Variants in SUCLG2 observed in about 807,000 individuals in gnomAD.
SUCLG2 encodes succinate-CoA ligase GDP-forming subunit beta.
A neutral mutation model predicts 47.9 loss-of-function variants in SUCLG2; 42 were observed. The observed-to-expected ratio is 0.88, with a 90% confidence interval of 0.69 to 1.14. The LOEUF is 1.14. Among genes scored for constraint, SUCLG2 ranks in the 50% most tolerant of loss-of-function variants. The pLI, the probability that SUCLG2 is intolerant of heterozygous loss-of-function variation, is 0.00. For missense variants in SUCLG2, 571 were observed against 525.9 expected (o/e 1.09, Z -0.84); for synonymous variants, 195 against 197.3 (o/e 0.99, Z 0.10).
intron 2 of SUCLG2, among the ~76,000 whole-genome samples, chr3:67,552,193 GA>G (rs1707034074): frequency 7.8e-6 from 1 of 127,582 alleles, no homozygotes; most frequent in African/African-American, 2.9e-5. Context: ...AAAAAAAAAA[GA>G]AAAAAGAAAA....
downstream of SUCLG2, among the ~76,000 whole-genome samples, chr3:67,374,406 G>C (rs969401343): frequency 1.3e-5 from 2 of 152,190 alleles, no homozygotes; most frequent in Non-Finnish European, 2.9e-5. Context: ...GGTGGCAATT[G>C]AGCCTCACTT....
intron 9 of SUCLG2, among the ~76,000 whole-genome samples, chr3:67,457,168 A>C (rs1304211271): frequency 1.3e-5 from 2 of 152,028 alleles, no homozygotes; most frequent in Non-Finnish European, 2.9e-5. Flanking sequence ...TCCAATCTCC[A>C]TTTTTGGGTG....
chr3:67,617,482 T>C (rs1397509820), intron 1 of SUCLG2, among the ~76,000 whole-genome samples: 1 of 152,238 alleles, frequency 6.6e-6, no homozygotes, highest in East Asian at 1.9e-4. Flanking sequence ...TTTCCCTCCA[T>C]GTTCAGGCTA....
chr3:67,486,198 G>A (rs938399788), intron 9 of SUCLG2, among the ~76,000 whole-genome samples: 3 of 152,228 alleles, frequency 2.0e-5, no homozygotes, highest in African/African-American at 4.8e-5. Context: ...CCAGGAGGCC[G>A]AGGCTGCAGT....
intron 10 of SUCLG2, among the ~76,000 whole-genome samples, chr3:67,364,427 AC>A (rs71109883): frequency 0.75 from 112,406 of 149,432 alleles, 42,594 homozygotes; most frequent in South Asian, 0.82. Context: ...CAGGACTTCC[AC>A]CCCCCCCACC....
intron 2 of SUCLG2, among the ~76,000 whole-genome samples, chr3:67,548,576 TA>T (rs1706928992): frequency 1.3e-5 from 2 of 152,266 alleles, no homozygotes; most frequent in African/African-American, 4.8e-5. Context: ...GGGGAAGAGG[TA>T]AAATTTAATT....
chr3:67,530,900 A>C (rs775682066), intron 2 of SUCLG2, among the ~76,000 whole-genome samples: 1 of 152,214 alleles, frequency 6.6e-6, no homozygotes, highest in Non-Finnish European at 1.5e-5. Context: ...AAATGAATAC[A>C]TTGCATATTT....
chr3:67,604,649 G>GA (rs1575810430), intron 2 of SUCLG2, among the ~76,000 whole-genome samples: 2 of 151,488 alleles, frequency 1.3e-5, no homozygotes, highest in African/African-American at 4.9e-5. Context: ...GTAGGGTGGC[G>GA]AGAAGAAGAG....
intron 9 of SUCLG2, among the ~76,000 whole-genome samples, chr3:67,479,457 T>A (rs1364804891): frequency 6.6e-6 from 1 of 152,208 alleles, no homozygotes; most frequent in East Asian, 1.9e-4. Flanking sequence ...AACATCTCCA[T>A]CTTGAAACAC....
chr3:67,635,044 C>A (rs1181252696), intron 1 of SUCLG2, among the ~76,000 whole-genome samples: 3 of 152,266 alleles, frequency 2.0e-5, no homozygotes, highest in East Asian at 3.9e-4. Flanking sequence ...GTAAGGAGAG[C>A]TCAGAAAATA....
chr3:67,635,645 C>T (rs1273847300), intron 1 of SUCLG2, among the ~76,000 whole-genome samples: 1 of 152,170 alleles, frequency 6.6e-6, no homozygotes, highest in Non-Finnish European at 1.5e-5. Flanking sequence ...CTTTCTGAGA[C>T]ACCCTCCCAC....
chr3:67,515,990 T>C (rs1705934881), intron 6 of SUCLG2, among the ~76,000 whole-genome samples: 1 of 152,126 alleles, frequency 6.6e-6, no homozygotes, highest in Admixed American at 6.5e-5. Flanking sequence ...CACATTCCTT[T>C]ATCCGTCCCT....
chr3:67,644,617 A>C (rs191649675), intron 1 of SUCLG2, among the ~76,000 whole-genome samples: 183 of 152,208 alleles, frequency 1.2e-3, no homozygotes, highest in Non-Finnish European at 2.2e-3. Flanking sequence ...TTAAAATGGC[A>C]AAATGATAAA....
intron 9 of SUCLG2, among the ~76,000 whole-genome samples, chr3:67,477,743 C>T (rs1704804587): frequency 1.3e-5 from 2 of 152,096 alleles, no homozygotes; most frequent in African/African-American, 4.8e-5. Flanking sequence ...GTCTGACCCA[C>T]GACACTGTAT....
At chr3:67,583,645 AC>A (rs1333049260) in intron 2 of SUCLG2, among the ~76,000 whole-genome samples, 5 of 152,216 alleles carry the variant, frequency 3.3e-5, no homozygotes, top group African/African-American at 1.2e-4. Flanking sequence ...ACTGGCTGGA[AC>A]TATGATTCTT....
intron 9 of SUCLG2, among the ~76,000 whole-genome samples, chr3:67,491,231 A>G (rs1368749256): frequency 1.5e-5 from 2 of 129,198 alleles, no homozygotes; most frequent in Non-Finnish European, 3.1e-5. Flanking sequence ...AAGTCAGAAG[A>G]AAAAAAAAAA....
intron 2 of SUCLG2, among the ~76,000 whole-genome samples, chr3:67,570,374 C>G (rs998820060): frequency 1.3e-5 from 2 of 152,184 alleles, no homozygotes; most frequent in South Asian, 4.1e-4. Flanking sequence ...TTCCTTTTGT[C>G]AGGGACTGTG....
chr3:67,568,890 AAAAAT>A (rs780402775), intron 2 of SUCLG2, among the ~76,000 whole-genome samples: 8 of 152,354 alleles, frequency 5.3e-5, no homozygotes, highest in Non-Finnish European at 7.3e-5. Flanking sequence ...CCGTCTCAAA[AAAAAT>A]AAAATAAAAT....
intron 9 of SUCLG2, among the ~76,000 whole-genome samples, chr3:67,403,359 T>A (rs1468527290): frequency 1.3e-5 from 2 of 152,242 alleles, no homozygotes; most frequent in African/African-American, 4.8e-5. Flanking sequence ...TTTTCCCATT[T>A]TTTTAATAAT....
Sources: allele counts gnomAD v4.1 joint callset (sites outside exome capture counted in the v4.1 genomes callset), GRCh38; gene constraint gnomAD v4.1.1; transcripts MANE v1.5; gene names NCBI Gene and HGNC (gene_info 2026-07-23, HGNC 2026-07-21).